The following ERC2 variants were observed in gnomAD, a reference collection of about 807,000 sequenced individuals.
ERC2 encodes the protein ELKS/RAB6-interacting/CAST family member 2, also known as ERC protein 2.
In ERC2, 42 loss-of-function variants were observed where a neutral mutation model predicts 114.8. The observed-to-expected ratio is 0.37, with a 90% CI of 0.29 to 0.47. ERC2 has a LOEUF of 0.47. Ranked by LOEUF, ERC2 falls within the 20% of genes least tolerant of loss-of-function variation. The probability of loss-of-function intolerance (pLI) is 0.99; values close to 1 mark genes in which losing one functional copy is unlikely to be tolerated. For synonymous variants in ERC2, 454 were observed against 425.5 expected (o/e 1.07, Z -0.82); for missense variants, 939 against 1,150.7 (o/e 0.82, Z 2.66).
At chr3:56,311,186 A>G (rs2056515440) in intron 2 of ERC2, among the ~76,000 whole-genome samples, 1 of 147,612 alleles carries the variant, frequency 6.8e-6, no homozygotes. Flanking sequence ...ACACATTCAT[A>G]TAATTTGTAA....
At chr3:55,699,167 C>A (rs1393772349) in intron 16 of ERC2, among the ~76,000 whole-genome samples, 1 of 151,966 alleles carries the variant, frequency 6.6e-6, no homozygotes, top group Non-Finnish European at 1.5e-5. Flanking sequence ...AAATGCATAA[C>A]ATAAACAAGA....
intron 10 of ERC2, among the ~76,000 whole-genome samples, chr3:56,006,316 AT>A (rs1018920459): frequency 7.9e-5 from 12 of 152,014 alleles, no homozygotes; most frequent in African/African-American, 2.4e-4. Flanking sequence ...TCCATGTCAT[AT>A]TTTTCATAAC....
chr3:55,814,294 T>C (rs940521513), intron 14 of ERC2, among the ~76,000 whole-genome samples: 9 of 152,186 alleles, frequency 5.9e-5, no homozygotes, highest in East Asian at 1.9e-4. Flanking sequence ...TTGATTTTCA[T>C]GACAATCCTA....
intron 12 of ERC2, among the ~76,000 whole-genome samples, chr3:55,965,180 C>G (rs577515764): frequency 6.6e-5 from 10 of 152,168 alleles, no homozygotes; most frequent in Non-Finnish European, 1.5e-4. Context: ...GTGTGAAAAC[C>G]AGGGGGTGGA....
At chr3:56,256,640 T>G (rs1394496649) in intron 3 of ERC2, among the ~76,000 whole-genome samples, 2 of 152,176 alleles carry the variant, frequency 1.3e-5, no homozygotes, top group Non-Finnish European at 2.9e-5. Context: ...AAATCTCATC[T>G]TGAATTCTAA....
chr3:55,579,802 C>G (rs1235846651), intron 17 of ERC2, among the ~76,000 whole-genome samples: 7 of 152,326 alleles, frequency 4.6e-5, no homozygotes, highest in Non-Finnish European at 8.8e-5. Flanking sequence ...CATGATTTAA[C>G]CTCCTTTGCG....
At chr3:56,067,611 G>T (rs2149720945) in intron 7 of ERC2, among the ~76,000 whole-genome samples, 1 of 152,272 alleles carries the variant, frequency 6.6e-6, no homozygotes, top group Admixed American at 6.5e-5. Context: ...GGGTATCCTT[G>T]TGTTGTGCCA....
At chr3:56,301,991 T>A (rs1355153836) in intron 2 of ERC2, among the ~76,000 whole-genome samples, 5 of 152,192 alleles carry the variant, frequency 3.3e-5, no homozygotes, top group African/African-American at 4.8e-5. Context: ...GCTTAGGATA[T>A]GCTGCAGTGA....
chr3:56,069,216 C>A (rs2076615817), intron 7 of ERC2, among the ~76,000 whole-genome samples: 1 of 152,186 alleles, frequency 6.6e-6, no homozygotes, highest in Non-Finnish European at 1.5e-5. Context: ...TTGAAAACTG[C>A]TTTAGTTCCT....
chr3:55,574,932 G>A (rs2056898605), intron 17 of ERC2, among the ~76,000 whole-genome samples: 1 of 152,178 alleles, frequency 6.6e-6, no homozygotes, highest in South Asian at 2.1e-4. Flanking sequence ...CATCCATGGT[G>A]GAGAAACCAC....
At chr3:55,629,293 G>A (rs942959761) in intron 17 of ERC2, among the ~76,000 whole-genome samples, 1 of 152,198 alleles carries the variant, frequency 6.6e-6, no homozygotes, top group Non-Finnish European at 1.5e-5. Context: ...GCCAGTACAC[G>A]ATGAACTCTA....
At chr3:56,039,279 C>G (rs1012899034) in intron 7 of ERC2, among the ~76,000 whole-genome samples, 3 of 152,014 alleles carry the variant, frequency 2.0e-5, no homozygotes, top group Admixed American at 6.6e-5. Flanking sequence ...AGTGTTCAAA[C>G]TAATAAACAA....
rs565574465 is a variant in ERC2, at chr3:56,111,051, T to C, written c.1473+28458A>G. Among the ~76,000 whole-genome samples the C allele has an allele frequency of 2.0e-4, 30 of 152,094 alleles. No homozygotes were observed. In the South Asian group the frequency reaches 6.0e-3, roughly 31 times the overall value. ...GACAGTGGCTCAAGGACTCTAAGTC[T>C]CTCTCCAATTGAGGGCACATGACCT... On this transcript the variant is annotated intron_variant, in intron 6 of 17. Coordinates refer to ENST00000288221, the MANE Select transcript of ERC2 (RefSeq NM_015576.3).
chr3:55,831,253 A>G (rs887647154), intron 14 of ERC2, among the ~76,000 whole-genome samples: 10 of 148,084 alleles, frequency 6.8e-5, no homozygotes, highest in Non-Finnish European at 1.5e-4. Context: ...GTAAGACTAC[A>G]GTGAGTTGTG....
At chr3:55,736,059 A>G (rs2065614888) in intron 14 of ERC2, among the ~76,000 whole-genome samples, 1 of 152,190 alleles carries the variant, frequency 6.6e-6, no homozygotes, top group African/African-American at 2.4e-5. Flanking sequence ...CTATAAAAAC[A>G]TCTACGAACC....
chr3:55,828,268 C>T lies in ERC2; in HGVS notation c.2564+60121G>A, dbSNP rs73834028. On this transcript the variant is annotated intron_variant, in intron 14 of 17. Transcript: ENST00000288221. ...CTAAACATTCCGGACAAAATACAAACGCAAATTCCTGAAGGCTCCAAAAGT... is the reference window on the plus strand; with the variant it reads ...CTAAACATTCCGGACAAAATACAAATGCAAATTCCTGAAGGCTCCAAAAGT... Among the ~76,000 whole-genome samples the T allele has an allele frequency of 5.4e-3, 815 of 152,256 alleles. 4 individuals carry two copies. The highest frequency in any genetic ancestry group is 0.019 in the African/African-American group (769 of 41,534).
chr3:56,052,232 T>C (rs1267996436), intron 7 of ERC2, among the ~76,000 whole-genome samples: 1 of 152,222 alleles, frequency 6.6e-6, no homozygotes, highest in Non-Finnish European at 1.5e-5. Flanking sequence ...AGCTACAAGA[T>C]GCTTTCAGCC....
intron 7 of ERC2, among the ~76,000 whole-genome samples, 171 bp downstream of exon 7, chr3:56,080,646 C>T (rs756622170): frequency 1.8e-4 from 28 of 152,096 alleles, no homozygotes; most frequent in Non-Finnish European, 3.5e-4. Context: ...CATCAAGCAA[C>T]GCTAATATTG....
At chr3:55,765,948 CAGTCTTTTAAAGAGA>C (rs1412177162) in intron 14 of ERC2, among the ~76,000 whole-genome samples, 2 of 152,276 alleles carry the variant, frequency 1.3e-5, no homozygotes, top group East Asian at 3.9e-4. Context: ...GAGTAGGGTG[CAGTCTTTTAAAGAGA>C]AGTCTTTTAA....
Sources: allele counts gnomAD v4.1 joint callset (sites outside exome capture counted in the v4.1 genomes callset), GRCh38; gene constraint gnomAD v4.1.1; transcripts MANE v1.5; gene names NCBI Gene and HGNC (gene_info 2026-07-23, HGNC 2026-07-21).